RPTOR: variants seen among roughly 807,000 people sequenced by gnomAD.
The protein encoded by RPTOR is regulatory associated protein of MTOR complex 1.
RPTOR carries 21 observed loss-of-function variants against 169.9 expected under a neutral mutation model. The ratio of observed to expected loss-of-function variants is 0.12; its 90% CI spans 0.09 to 0.18. The LOEUF is 0.18. Among genes scored for constraint, RPTOR ranks in the 10% least tolerant of loss-of-function variants. The pLI is 1.00. For synonymous variants in RPTOR, 732 were observed against 753.2 expected (o/e 0.97, Z 0.46); for missense variants, 1,133 against 1,855.9 (o/e 0.61, Z 7.16).
At chr17:80,831,527 TAGATATG>T (rs1367745952) in intron 9 of RPTOR, among the ~76,000 whole-genome samples, 1 of 152,204 alleles carries the variant, frequency 6.6e-6, no homozygotes, top group Non-Finnish European at 1.5e-5. Context: ...CAGGCCTTCT[TAGATATG>T]AGCAGTCCTT....
At chr17:80,792,182 C>A (rs2067055665) in intron 7 of RPTOR, among the ~76,000 whole-genome samples, 1 of 152,096 alleles carries the variant, frequency 6.6e-6, no homozygotes. Context: ...GTCATCCAGG[C>A]AGTATGGAAG....
chr17:80,918,500 G>T (rs2068705313), intron 21 of RPTOR, among the ~76,000 whole-genome samples: 1 of 100,256 alleles, frequency 1.0e-5, no homozygotes, highest in Non-Finnish European at 2.3e-5. Context: ...CCTCGCGGGG[G>T]TCATAGCCAT....
chr17:80,733,902 C>T (rs2066413222), intron 5 of RPTOR, among the ~76,000 whole-genome samples: 1 of 152,162 alleles, frequency 6.6e-6, no homozygotes, highest in South Asian at 2.1e-4. Flanking sequence ...TCAGTAATAG[C>T]TCATTTCTTC....
intron 21 of RPTOR, among the ~76,000 whole-genome samples, chr17:80,911,082 C>T (rs1021429190): frequency 3.3e-5 from 5 of 152,182 alleles, no homozygotes; most frequent in African/African-American, 1.2e-4. Context: ...CCGCCTGCCT[C>T]GGCCTCCCAA....
chr17:80,937,145 A>C (rs2068964620), intron 24 of RPTOR, among the ~76,000 whole-genome samples: 1 of 152,198 alleles, frequency 6.6e-6, no homozygotes, highest in Admixed American at 6.5e-5. Flanking sequence ...TCAGGTCATC[A>C]GGAGCTAAGC....
intron 3 of RPTOR, among the ~76,000 whole-genome samples, chr17:80,682,111 C>CA (rs1282080245): frequency 5.1e-5 from 3 of 58,940 alleles, no homozygotes; most frequent in Non-Finnish European, 1.0e-4. Context: ...ATTAGGTCCC[C>CA]CCCCCCACCC....
At chr17:80,963,984 C>T (rs1003816347) in intron 33 of RPTOR, among the ~76,000 whole-genome samples, 4 of 152,204 alleles carry the variant, frequency 2.6e-5, no homozygotes, top group African/African-American at 9.6e-5. Flanking sequence ...GCTCTGCTGA[C>T]ACGTGTGACA....
intron 15 of RPTOR, 43 bp from the exon 16 acceptor site, chr17:80,883,727 CGTGCCTGCCAT>C: frequency 6.4e-7 from 1 of 1,568,504 alleles, no homozygotes; most frequent in Non-Finnish European, 8.8e-7. Flanking sequence ...GTACCCACCA[CGTGCCTGCCAT>C]TGGCAGGCAG....
Position 80,870,225 on chromosome 17 carries a change from T to C in RPTOR, c.1510-10190T>C, listed in dbSNP as rs114242759. On this transcript the variant is annotated intron_variant, in intron 13 of 33. Coordinates refer to ENST00000306801, the MANE Select transcript of RPTOR (RefSeq NM_020761.3). Reference sequence around the variant, plus strand: ...CGTAATGTCAGTGGATCTGGAAAGATGCTCTGTGATGGTATTCATGAAGTA... The same window carrying C: ...CGTAATGTCAGTGGATCTGGAAAGACGCTCTGTGATGGTATTCATGAAGTA... Among the ~76,000 whole-genome samples the C allele has an allele frequency of 2.5e-3, 384 of 152,370 alleles. 1 individual carries two copies. The highest frequency in any genetic ancestry group is 8.8e-3 in the African/African-American group (368 of 41,584).
chr17:80,648,697 C>T (rs1258105619), intron 3 of RPTOR, among the ~76,000 whole-genome samples: 1 of 151,952 alleles, frequency 6.6e-6, no homozygotes, highest in Non-Finnish European at 1.5e-5. Flanking sequence ...CTTCCTTGTG[C>T]CCCCCACCCC....
intron 11 of RPTOR, among the ~76,000 whole-genome samples, chr17:80,847,985 C>G (rs959974787): frequency 2.0e-5 from 3 of 152,256 alleles, no homozygotes; most frequent in African/African-American, 4.8e-5. Context: ...GCAGTGGCAG[C>G]CAGCGTCGCA....
intron 1 of RPTOR, among the ~76,000 whole-genome samples, chr17:80,570,990 TTC>T (rs2064899543): frequency 6.6e-6 from 1 of 152,206 alleles, no homozygotes; most frequent in African/African-American, 2.4e-5. Flanking sequence ...AGTTTCTCCT[TTC>T]TCTGATAGAA....
At chr17:80,629,369 G>C (rs181399554) in intron 2 of RPTOR, among the ~76,000 whole-genome samples, 1 of 145,556 alleles carries the variant, frequency 6.9e-6, no homozygotes, top group Non-Finnish European at 1.5e-5. Context: ...CAGCTCTTCC[G>C]TGTGTTTCTC....
chr17:80,842,006 G>A (rs1301539537), intron 10 of RPTOR, among the ~76,000 whole-genome samples: 2 of 151,096 alleles, frequency 1.3e-5, no homozygotes, highest in Non-Finnish European at 2.9e-5. Flanking sequence ...CCCCACCGCA[G>A]CTCACTCTCA....
At position 80,744,809 on chromosome 17, in the gene RPTOR, T is replaced by A. The variant is rs201206659; in HGVS notation, c.655-9201T>A. Among the ~76,000 whole-genome samples, 21 of 29,372 alleles carry A rather than the reference T, an allele frequency of 7.1e-4. No individual in the cohort carries two copies. The East Asian group carries it at 0.01, about 14-fold the overall frequency. 19.3% of individuals were successfully genotyped at this position (29,372 alleles called of 152,430 possible). ...CTAGCACAGCCCTGGCTACTAGCACTGTCCTGGCTACTAGCACAGCCCTGG... is the reference window on the plus strand; with the variant it reads ...CTAGCACAGCCCTGGCTACTAGCACAGTCCTGGCTACTAGCACAGCCCTGG... On this transcript the variant is annotated intron_variant, in intron 5 of 33. Coordinates refer to ENST00000306801, the MANE Select transcript of RPTOR (RefSeq NM_020761.3).
chr17:80,635,157 C>A (rs531725088), intron 2 of RPTOR, among the ~76,000 whole-genome samples: 65 of 152,322 alleles, frequency 4.3e-4, no homozygotes, highest in African/African-American at 1.5e-3. Flanking sequence ...GCCATTGCTG[C>A]TCCTCTCAGA....
At chr17:80,843,681 G>T (rs1012582716) in intron 10 of RPTOR, among the ~76,000 whole-genome samples, 1 of 152,112 alleles carries the variant, frequency 6.6e-6, no homozygotes, top group Non-Finnish European at 1.5e-5. Flanking sequence ...CAAGCTTGTC[G>T]TAAGTGGCAA....
intron 1 of RPTOR, among the ~76,000 whole-genome samples, chr17:80,591,005 GTTGTGTTTTTCTAGTAC>G (rs1167345666): frequency 2.0e-5 from 3 of 152,022 alleles, no homozygotes; most frequent in Admixed American, 2.0e-4. Context: ...GTTTTGGTGA[GTTGTGTTTTTCTAGTAC>G]TTGTCTTTTT....
In RPTOR at chr17:80,725,711, G is replaced by A. The variant is rs559929946; in HGVS notation, c.508-4849G>A. Among the ~76,000 whole-genome samples, 18 of 152,310 alleles carry A rather than the reference G, an allele frequency of 1.2e-4. No individual in the cohort carries two copies. The East Asian group carries it at 3.5e-3, about 29-fold the overall frequency. On this transcript the variant is annotated intron_variant, in intron 4 of 33. Coordinates refer to ENST00000306801, the MANE Select transcript of RPTOR (RefSeq NM_020761.3). ...GCCTGGAGCTTGACAAACGACCCAG[G>A]ACCTCTGAGATGGGAAATGAGGTCT... is the stretch of plus-strand genomic sequence containing the variant.
Sources: gnomAD v4.1 joint callset for allele counts (sites outside exome capture counted in the v4.1 genomes callset) on GRCh38, gnomAD v4.1.1 for gene constraint, MANE v1.5 for transcripts, NCBI Gene and HGNC (gene_info 2026-07-23, HGNC 2026-07-21) for gene names.